The following ARHGAP42 variants were observed in gnomAD, a reference collection of about 807,000 sequenced individuals.
ARHGAP42 encodes Rho GTPase activating protein 42, also known as rho GTPase-activating protein 42.
ARHGAP42 carries 63 observed loss-of-function variants against 125.0 expected under a neutral mutation model. That is an observed-to-expected ratio of 0.50 (90% CI 0.41 to 0.62). The LOEUF is 0.62. Among genes scored for constraint, ARHGAP42 ranks in the 20% least tolerant of loss-of-function variants. ARHGAP42 has a pLI of 0.00. For missense variants in ARHGAP42, 766 were observed against 1,024.2 expected, an observed-to-expected ratio of 0.75 and a Z score of 3.44; for synonymous variants, 339 against 351.0, an observed-to-expected ratio of 0.97 and a Z score of 0.38.
intron 1 of ARHGAP42, among the ~76,000 whole-genome samples, chr11:100,751,277 GTGTTTTTTTT>G (rs1210413436): frequency 7.5e-4 from 91 of 121,672 alleles, no homozygotes; most frequent in Admixed American, 2.0e-3. Flanking sequence ...GTGTGTGTGT[GTGTTTTTTTT>G]TTTTTTTTTT....
chr11:100,861,643 G>C (rs555608740), intron 4 of ARHGAP42, among the ~76,000 whole-genome samples: 1 of 152,142 alleles, frequency 6.6e-6, no homozygotes, highest in African/African-American at 2.4e-5. Flanking sequence ...AGAAGGTTTC[G>C]GGAATGTCCC....
intron 20 of ARHGAP42, 36 bp from the exon 21 acceptor site, chr11:100,976,779 T>C: frequency 6.5e-7 from 1 of 1,547,676 alleles, no homozygotes; most frequent in Non-Finnish European, 8.7e-7. Flanking sequence ...TGTTGTCTAA[T>C]AGCACCTTGC....
At chr11:100,922,546 A>G (rs1255053755) in intron 6 of ARHGAP42, among the ~76,000 whole-genome samples, 1 of 152,192 alleles carries the variant, frequency 6.6e-6, no homozygotes, top group Non-Finnish European at 1.5e-5. Context: ...TGTGTAAGTA[A>G]TCAAATATCT....
At chr11:100,936,438 A>G (rs1308575690) in intron 8 of ARHGAP42, 106 bp downstream of exon 8, 1 of 1,399,486 alleles carries the variant, frequency 7.1e-7, no homozygotes, top group African/African-American at 1.5e-5. Context: ...GAAATTTCTT[A>G]TAGCTTTATA....
At chr11:100,977,866 C>T (rs530255960) in intron 21 of ARHGAP42, among the ~76,000 whole-genome samples, 26 of 152,282 alleles carry the variant, frequency 1.7e-4, no homozygotes, top group African/African-American at 5.8e-4. Context: ...TTCTTCCTGA[C>T]ATTTTAATTA....
chr11:100,760,955 G>A (rs1862688297), intron 1 of ARHGAP42, among the ~76,000 whole-genome samples: 1 of 152,156 alleles, frequency 6.6e-6, no homozygotes, highest in South Asian at 2.1e-4. Context: ...TGATAAGAGA[G>A]TAAGTTGTAA....
At chr11:100,859,403 A>G (rs139784838) in intron 3 of ARHGAP42, 151 bp from the exon 4 acceptor site, 12,196 of 540,710 alleles carry the variant, frequency 0.023, 185 homozygotes, top group Non-Finnish European at 0.028. Context: ...ATTATATAGT[A>G]GAAGAACTGT....
intron 22 of ARHGAP42, chr11:100,986,068 A>G (rs1176425424): frequency 4.4e-6 from 2 of 456,556 alleles, no homozygotes; most frequent in South Asian, 3.1e-5. Flanking sequence ...TCACTCATTC[A>G]TTTAGCTAAC....
At chr11:100,854,597 G>A (rs1365691063) in intron 3 of ARHGAP42, among the ~76,000 whole-genome samples, 3 of 152,250 alleles carry the variant, frequency 2.0e-5, no homozygotes, top group African/African-American at 7.2e-5. Flanking sequence ...AGACGTGCTC[G>A]TGTATCCATC....
intron 16 of ARHGAP42, among the ~76,000 whole-genome samples, chr11:100,962,670 A>G (rs1454052072): frequency 6.6e-6 from 1 of 152,118 alleles, no homozygotes; most frequent in Non-Finnish European, 1.5e-5. Context: ...TGAGGTCGGG[A>G]GTTCGAGACC....
At chr11:100,778,371 C>T (rs1283573426) in intron 2 of ARHGAP42, among the ~76,000 whole-genome samples, 1 of 151,964 alleles carries the variant, frequency 6.6e-6, no homozygotes, top group Non-Finnish European at 1.5e-5. Flanking sequence ...AAAAAATATC[C>T]ATCATTCTTT....
chr11:100,702,877 G>C (rs1861420528), intron 1 of ARHGAP42, among the ~76,000 whole-genome samples: 1 of 151,996 alleles, frequency 6.6e-6, no homozygotes, highest in African/African-American at 2.4e-5. Flanking sequence ...GGCCAGGCTG[G>C]TCTCGAACTC....
intron 1 of ARHGAP42, among the ~76,000 whole-genome samples, chr11:100,718,227 C>CA (rs1861699378): frequency 6.6e-6 from 1 of 152,130 alleles, no homozygotes; most frequent in East Asian, 1.9e-4. Context: ...TGGCATGAGA[C>CA]ACATTTTATA....
chr11:100,904,485 G>A (rs528540069), intron 4 of ARHGAP42, among the ~76,000 whole-genome samples: 1 of 152,176 alleles, frequency 6.6e-6, no homozygotes, highest in East Asian at 1.9e-4. Context: ...GACCTCAGAT[G>A]ATCCACCCGC....
intron 3 of ARHGAP42, among the ~76,000 whole-genome samples, chr11:100,847,034 G>A (rs970555157): frequency 6.6e-6 from 1 of 152,082 alleles, no homozygotes; most frequent in African/African-American, 2.4e-5. Context: ...ACTTACATAC[G>A]GAGTGGTCCA....
intron 3 of ARHGAP42, among the ~76,000 whole-genome samples, chr11:100,835,481 T>C (rs777144045): frequency 3.3e-5 from 5 of 152,152 alleles, no homozygotes; most frequent in African/African-American, 7.2e-5. Flanking sequence ...CCTAGCATTG[T>C]AACTTTTCTA....
intron 1 of ARHGAP42, among the ~76,000 whole-genome samples, chr11:100,710,538 G>GTT (rs57891043): frequency 0.33 from 34,738 of 106,696 alleles, 6,998 homozygotes; most frequent in African/African-American, 0.41. Flanking sequence ...CCGGCCAGCA[G>GTT]TTTTTTTTTT....
At chr11:100,757,553 G>T (rs892475957) in intron 1 of ARHGAP42, among the ~76,000 whole-genome samples, 4 of 152,240 alleles carry the variant, frequency 2.6e-5, no homozygotes, top group African/African-American at 7.2e-5. Flanking sequence ...TCATAAAATA[G>T]TATAGTTCAC....
chr11:100,940,436 G>A (rs1365779088), intron 8 of ARHGAP42, among the ~76,000 whole-genome samples: 2 of 152,084 alleles, frequency 1.3e-5, no homozygotes, highest in Non-Finnish European at 2.9e-5. Context: ...TGGTGTTTGG[G>A]TGCAGGATAC....
Sources: gnomAD v4.1 joint callset for allele counts (sites outside exome capture counted in the v4.1 genomes callset) on GRCh38, gnomAD v4.1.1 for gene constraint, MANE v1.5 for transcripts, NCBI Gene and HGNC (gene_info 2026-07-23, HGNC 2026-07-21) for gene names.